TFEC: variants seen among roughly 807,000 people sequenced by gnomAD.
TFEC encodes the protein class E basic helix-loop-helix protein 34.
TFEC carries 31 observed loss-of-function variants against 41.6 expected under a neutral mutation model. The observed-to-expected ratio is 0.74, with a 90% CI of 0.56 to 1.01. The LOEUF (loss-of-function observed/expected upper bound fraction) is 1.01. Among genes scored for constraint, TFEC ranks in the 50% least tolerant of loss-of-function variants. The pLI is 0.00. For synonymous variants in TFEC, 143 were observed against 140.6 expected, an observed-to-expected ratio of 1.02 and a Z score of -0.12; for missense variants, 402 against 404.1, an observed-to-expected ratio of 0.99 and a Z score of 0.04.
intron 3 of TFEC, among the ~76,000 whole-genome samples, chr7:116,081,089 A>G (rs1400792734): frequency 6.6e-6 from 1 of 151,824 alleles, no homozygotes; most frequent in Non-Finnish European, 1.5e-5. Flanking sequence ...AAGGTACTGG[A>G]GATTATTCTA....
chr7:115,945,351 G>A (rs564278085), intron 6 of TFEC, among the ~76,000 whole-genome samples: 29 of 151,434 alleles, frequency 1.9e-4, no homozygotes, highest in African/African-American at 6.8e-4. Flanking sequence ...ATTTTGTCAC[G>A]TAGATGGGTA....
chr7:116,148,594 T>C (rs1250352679), intron 1 of TFEC, among the ~76,000 whole-genome samples: 1 of 152,148 alleles, frequency 6.6e-6, no homozygotes, highest in Non-Finnish European at 1.5e-5. Flanking sequence ...GAGGAGACTC[T>C]AGATAACTGA....
At chr7:115,963,076 C>T (rs1031846715) in intron 3 of TFEC, among the ~76,000 whole-genome samples, 1 of 151,650 alleles carries the variant, frequency 6.6e-6, no homozygotes, top group Non-Finnish European at 1.5e-5. Context: ...TGTTCAACTC[C>T]CACTTCTGAG....
intron 1 of TFEC, among the ~76,000 whole-genome samples, chr7:116,028,648 G>A (rs562150656): frequency 2.6e-5 from 4 of 152,280 alleles, no homozygotes; most frequent in Non-Finnish European, 4.4e-5. Flanking sequence ...TCATAATCCA[G>A]TATTTTTTAC....
chr7:115,941,034 TGAA>T, intron 7 of TFEC, 103 bp from the exon 8 acceptor site: 2 of 1,066,400 alleles, frequency 1.9e-6, no homozygotes, highest in Non-Finnish European at 2.7e-6. Context: ...GCATTTAAAA[TGAA>T]GAGTAATACA....
intron 4 of TFEC, among the ~76,000 whole-genome samples, chr7:115,955,059 A>G (rs1792150618): frequency 6.6e-6 from 1 of 152,056 alleles, no homozygotes. Flanking sequence ...ATTCCAACCT[A>G]AATATTTTAT....
intron 3 of TFEC, among the ~76,000 whole-genome samples, chr7:116,039,695 T>C (rs916426617): frequency 3.3e-5 from 5 of 151,948 alleles, no homozygotes; most frequent in Non-Finnish European, 5.9e-5. Flanking sequence ...ACCAGAGAGA[T>C]AGAAAAAAAG....
At chr7:115,961,196 C>A (rs1407422030) in intron 3 of TFEC, among the ~76,000 whole-genome samples, 2 of 151,562 alleles carry the variant, frequency 1.3e-5, no homozygotes, top group Non-Finnish European at 3.0e-5. Flanking sequence ...ATAGTGAATA[C>A]AGTTTTCTCA....
chr7:116,154,419 T>A (rs942407209), intron 1 of TFEC, among the ~76,000 whole-genome samples: 3 of 152,158 alleles, frequency 2.0e-5, no homozygotes, highest in African/African-American at 7.2e-5. Flanking sequence ...GTAACTAACA[T>A]GTACTCCTTC....
intron 6 of TFEC, among the ~76,000 whole-genome samples, chr7:115,945,964 T>C (rs543824522): frequency 6.6e-6 from 1 of 151,840 alleles, no homozygotes; most frequent in Admixed American, 6.6e-5. Context: ...GCTTGAAATA[T>C]TTACTATCTG....
intron 1 of TFEC, among the ~76,000 whole-genome samples, chr7:116,013,465 G>C (rs1390166547): frequency 3.3e-5 from 5 of 152,044 alleles, no homozygotes; most frequent in Non-Finnish European, 7.4e-5. Flanking sequence ...CTGATCACAG[G>C]ACCTCATGGA....
chr7:116,046,888 G>A (rs1245479308), intron 3 of TFEC, among the ~76,000 whole-genome samples: 2 of 152,156 alleles, frequency 1.3e-5, no homozygotes, highest in Admixed American at 1.3e-4. Context: ...CCAGAGAGGT[G>A]AGCTGTAACA....
At chr7:115,970,625 G>A (rs1793090488) in intron 3 of TFEC, among the ~76,000 whole-genome samples, 1 of 151,992 alleles carries the variant, frequency 6.6e-6, no homozygotes, top group Admixed American at 6.6e-5. Context: ...GATCTAGAAG[G>A]AGGAGCTATT....
exon 3 of TFEC, chr7:116,110,718 G>A: frequency 6.6e-7 from 1 of 1,515,720 alleles, no homozygotes; most frequent in African/African-American, 1.4e-5. Flanking sequence ...CCTGGTAAAG[G>A]ATGGTAATTG....
chr7:116,157,484 T>C (rs542237790), intron 1 of TFEC: 1 of 152,268 alleles, frequency 6.6e-6, no homozygotes. Flanking sequence ...GGAAAAGGTA[T>C]TCCAAAACTG....
chr7:116,151,305 C>T (rs944190200), intron 1 of TFEC, among the ~76,000 whole-genome samples: 3 of 145,718 alleles, frequency 2.1e-5, no homozygotes, highest in African/African-American at 7.7e-5. Context: ...TGCAGTTGCA[C>T]GATCTCAGCT....
At chr7:116,155,109 T>G (rs542553996) in intron 1 of TFEC, among the ~76,000 whole-genome samples, 21 of 152,214 alleles carry the variant, frequency 1.4e-4, no homozygotes, top group Non-Finnish European at 2.9e-4. Context: ...CTCTATTAGA[T>G]TCACTCTCCT....
intron 7 of TFEC, 72 bp from the exon 8 acceptor site, chr7:115,941,003 A>G: frequency 1.5e-6 from 2 of 1,374,784 alleles, no homozygotes; most frequent in Non-Finnish European, 2.0e-6. Context: ...TAAGCCAGAC[A>G]TAGAATCAAA....
At chr7:116,093,779 A>G (rs1225065030) in intron 3 of TFEC, among the ~76,000 whole-genome samples, 1 of 152,192 alleles carries the variant, frequency 6.6e-6, no homozygotes, top group Non-Finnish European at 1.5e-5. Context: ...AAATATATTC[A>G]TAGGTGGATA....
Sources: gnomAD v4.1 joint callset for allele counts (sites outside exome capture counted in the v4.1 genomes callset) on GRCh38, gnomAD v4.1.1 for gene constraint, MANE v1.5 for transcripts, NCBI Gene and HGNC (gene_info 2026-07-23, HGNC 2026-07-21) for gene names.